Variants in HNF1A observed in about 807,000 individuals in gnomAD.
HNF1A encodes the protein HNF1 homeobox A.
HNF1A carries 21 observed loss-of-function variants against 62.2 expected under a neutral mutation model. The ratio of observed to expected loss-of-function variants is 0.34; its 90% CI spans 0.24 to 0.49. The LOEUF (loss-of-function observed/expected upper bound fraction) is 0.49, where lower values mean the gene tolerates loss of function less well. HNF1A is among the 20% of genes least tolerant of loss of function. The pLI is 0.99. For missense variants in HNF1A, 687 were observed against 832.3 expected (o/e 0.83, Z 2.15); for synonymous variants, 374 against 366.8 (o/e 1.02, Z -0.22).
chr12:120,987,487 A>G lies in HNF1A; in HGVS notation c.327-1346A>G, dbSNP rs184681500. 3.7e-4 allele frequency among the ~76,000 whole-genome samples: 56 copies of G among 151,242 alleles called. No homozygotes were observed. The East Asian group carries it at 4.7e-3, about 13-fold the overall frequency. ...GAGACTCCATCTCAAAAAAAAAAAA[A>G]AAAAAGAAAAAGAAAAGAAAAACCA... On this transcript the variant is annotated intron_variant, in intron 1 of 9. Transcript: ENST00000257555.
chr12:120,992,886 CT>C (rs1325744958), intron 2 of HNF1A, among the ~76,000 whole-genome samples: 11 of 152,170 alleles, frequency 7.2e-5, no homozygotes, highest in African/African-American at 2.2e-4. Context: ...TGCTGCGCCC[CT>C]GATTCAGAAT....
intron 1 of HNF1A, chr12:120,979,481 T>C (rs866379300): frequency 2.6e-5 from 6 of 230,940 alleles, no homozygotes; most frequent in African/African-American, 1.3e-4. Context: ...ACTCCTGCAC[T>C]GAGTCCTCAG....
chr12:120,987,423 C>T (rs1191380380), intron 1 of HNF1A, among the ~76,000 whole-genome samples: 1 of 145,792 alleles, frequency 6.9e-6, no homozygotes, highest in Non-Finnish European at 1.5e-5. Flanking sequence ...TGCAGTGAGC[C>T]GAGATCGCGC....
In HNF1A at chr12:121,001,282, G is replaced by A. The variant is rs531172648; in HGVS notation, c.*90G>A. 3.2e-4 allele frequency: 480 copies of A among 1,496,322 alleles called. 3 individuals are homozygous for A. The African/African-American group carries it at 5.5e-3, about 17-fold the overall frequency. 92.7% of individuals were successfully genotyped at this position (1,496,322 alleles called of 1,614,324 possible). A position where few individuals can be genotyped will look rare whatever the true frequency, so the allele number is the denominator to read the frequency against. On this transcript the variant is annotated 3_prime_UTR_variant, in exon 10 of 10. Coordinates refer to ENST00000257555, the MANE Select transcript of HNF1A (RefSeq NM_000545.8). ...CCTGCCTGGAGGACCTGAGCCTGCC[G>A]AGCAACCGTGGCCCTTCCTGGACAG...
intron 3 of HNF1A, among the ~76,000 whole-genome samples, 179 bp from the exon 4 acceptor site, chr12:120,993,985 A>G (rs1265791287): frequency 6.6e-6 from 1 of 152,072 alleles, no homozygotes; most frequent in Admixed American, 6.6e-5. Context: ...GAATGGAGAG[A>G]CTGAGGTCAG....
Position 121,002,119 on chromosome 12 carries a change from G to A in HNF1A, c.*927G>A, listed in dbSNP as rs957765531. The stretch of plus-strand genomic sequence containing the variant: ...GTAGCTGAGCTCACAAGGCAGCAAG[G>A]CCCGAGCAGCTGAGCAGGGCCGGGG... On this transcript the variant is annotated 3_prime_UTR_variant, in exon 10 of 10. Transcript: ENST00000257555. 1 of 530,696 alleles carries A rather than the reference G, an allele frequency of 1.9e-6. No individual in the cohort carries two copies. 32.9% of individuals were successfully genotyped at this position (530,696 alleles called of 1,614,324 possible). A position where few individuals can be genotyped will look rare whatever the true frequency, so the allele number is the denominator to read the frequency against.
chr12:120,993,641 G>C lies in HNF1A; in HGVS notation c.648G>C (p.Gln216His), dbSNP rs2135839534. ...CAGCATCCCAGCAGATCCTGTTCCA[G>C]GCCTATGAGAGGCAGAAGAACCCTA... Reference protein sequence around the residue: ...WGPASQQILFQAYERQKNPSK... With the variant: ...WGPASQQILFHAYERQKNPSK... Residue 216 changes from glutamine to histidine, a missense_variant, in exon 3 of 10, where the codon CAG (glutamine) becomes CAC (histidine). Physicochemically the swap from Gln to His is conservative, Grantham distance 24. Transcript: ENST00000257555. 4 of 1,614,178 alleles carry C rather than the reference G, an allele frequency of 2.5e-6. No individual in the cohort carries two copies. The highest frequency in any genetic ancestry group is 3.4e-6 in the Non-Finnish European group (4 of 1,180,036).
chr12:121,000,358 G>C (rs993673324), intron 9 of HNF1A: 1 of 157,774 alleles, frequency 6.3e-6, no homozygotes, highest in African/African-American at 2.4e-5. Flanking sequence ...TTTTACAGAT[G>C]AGAAAGTGGA....
chr12:121,001,890 T>C lies in HNF1A; in HGVS notation c.*698T>C. 2 of 512,292 alleles carry C rather than the reference T, an allele frequency of 3.9e-6. No homozygotes were observed. The highest frequency in any genetic ancestry group is 7.6e-6 in the Non-Finnish European group (2 of 263,474). The allele number at this position is 512,292 out of a possible 1,614,324, so 31.7% of individuals were successfully genotyped here. A position where few individuals can be genotyped will look rare whatever the true frequency, so the allele number is the denominator to read the frequency against. On this transcript the variant is annotated 3_prime_UTR_variant, in exon 10 of 10. Coordinates refer to ENST00000257555, the MANE Select transcript of HNF1A (RefSeq NM_000545.8). Reference sequence around the variant, plus strand: ...ATTCCCTCTCCCAGGCCCCATGACCTCCAGCTTTCCTGTATTTGTTCCCAA... The same window carrying C: ...ATTCCCTCTCCCAGGCCCCATGACCCCCAGCTTTCCTGTATTTGTTCCCAA...
At position 121,001,208 on chromosome 12, in the gene HNF1A, C is replaced by G; in HGVS notation, c.*16C>G. ...CTCCCAGTAACCACGGCACCTGGGC[C>G]CTGGGGCCTGTACTGCCTGCTTGGG... On this transcript the variant is annotated 3_prime_UTR_variant, in exon 10 of 10. Coordinates refer to ENST00000257555, the MANE Select transcript of HNF1A (RefSeq NM_000545.8). 6.2e-7 allele frequency: 1 copy of G among 1,613,616 alleles called. No homozygotes were observed. Among genetic ancestry groups the G allele is most frequent in the South Asian group, 1.1e-5 (1 of 91,036 alleles).
chr12:120,981,185 G>C (rs1441702167), intron 1 of HNF1A, among the ~76,000 whole-genome samples: 1 of 148,192 alleles, frequency 6.7e-6, no homozygotes, highest in African/African-American at 2.4e-5. Context: ...CCCTATTGAA[G>C]GCCTGGGCCA....
At chr12:120,988,737 C>A in intron 1 of HNF1A, 96 bp from the exon 2 acceptor site, 1 of 1,116,744 alleles carries the variant, frequency 9.0e-7, no homozygotes, top group Non-Finnish European at 1.3e-6. Flanking sequence ...AGTCCCCACC[C>A]TCAGGGTTGA....
intron 1 of HNF1A, among the ~76,000 whole-genome samples, chr12:120,987,800 A>ATCTT (rs1401218888): frequency 1.1e-4 from 17 of 151,840 alleles, no homozygotes; most frequent in African/African-American, 4.1e-4. Flanking sequence ...CTATCTATCT[A>ATCTT]TCTATCTATC....
At chr12:120,995,408 A>G (rs1412942184) in intron 4 of HNF1A, among the ~76,000 whole-genome samples, 1 of 148,074 alleles carries the variant, frequency 6.8e-6, no homozygotes, top group African/African-American at 2.5e-5. Flanking sequence ...CACTCTACCC[A>G]CTCTTCTCTC....
rs777558677 is a variant in HNF1A, at chr12:120,996,280, C to T, written c.974C>T (p.Pro325Leu). 1 of 1,614,150 alleles carries T rather than the reference C, an allele frequency of 6.2e-7. No individual in the cohort carries two copies. The highest frequency in any genetic ancestry group is 8.5e-7 in the Non-Finnish European group (1 of 1,180,018). ...SKVHGVRYGQ[P>L]ATSETAEVPS... ...TCTCCAGGTGTGCGCTATGGACAGC[C>T]TGCGACCAGTGAGACTGCAGAAGTA... Residue 325 changes from proline (P) to leucine (L), a missense_variant, in exon 5 of 10, where the codon CCT becomes CTT. Pro to Leu is a moderately conservative substitution (Grantham distance 98, BLOSUM62 -3). Transcript: ENST00000257555. This position sits in a 1 kb window ranked among gnomAD's most constrained non-coding sequence, Gnocchi z 4.5.
At chr12:120,988,665 C>T (rs1444514987) in intron 1 of HNF1A, among the ~76,000 whole-genome samples, 168 bp from the exon 2 acceptor site, 1 of 152,220 alleles carries the variant, frequency 6.6e-6, no homozygotes, top group Non-Finnish European at 1.5e-5. Context: ...CATAAATGAC[C>T]ATACCTCACC....
chr12:120,990,044 C>T lies in HNF1A; in HGVS notation c.526+1012C>T, dbSNP rs142091840. On this transcript the variant is annotated intron_variant, in intron 2 of 9. Coordinates refer to ENST00000257555, the MANE Select transcript of HNF1A (RefSeq NM_000545.8). ...GGTTTTCTTCTCCAGGCCTCATACC[C>T]CACCAAATCCCAAGGGCACTGTCAC... 2.0e-5 allele frequency among the ~76,000 whole-genome samples: 3 copies of T among 152,274 alleles called. No homozygotes were observed. In the East Asian group the frequency reaches 5.8e-4, roughly 29 times the overall value.
intron 7 of HNF1A, 170 bp downstream of exon 7, chr12:120,997,835 C>T (rs781204503): frequency 2.0e-5 from 15 of 765,808 alleles, no homozygotes; most frequent in African/African-American, 1.2e-4. Context: ...TGTGAATGCA[C>T]GTATCTGTGT....
At position 120,997,256 on chromosome 12, in the gene HNF1A, C is replaced by T; in HGVS notation, c.1310-218C>T. ...AACAAGTCACCGCCTGCCTCTCCCA[C>T]TAGCCTAGACAAAGAGCTAAAGGCT... On this transcript the variant is annotated intron_variant, in intron 6 of 9. Transcript: ENST00000257555. 2.1e-6 allele frequency: 3 copies of T among 1,427,146 alleles called. No homozygotes were observed. In the South Asian group the frequency reaches 4.6e-5, roughly 22 times the overall value. The allele number at this position is 1,427,146 out of a possible 1,614,324, so 88.4% of individuals were successfully genotyped here.
Sources: gnomAD v4.1 joint callset for allele counts (sites outside exome capture counted in the v4.1 genomes callset) on GRCh38, gnomAD v4.1.1 for gene constraint, Gnocchi (gnomAD v3.1) non-coding constraint, MANE v1.5 for transcripts, NCBI Gene and HGNC (gene_info 2026-07-23, HGNC 2026-07-21) for gene names.